The following TBCD variants were observed in gnomAD, a reference collection of about 807,000 sequenced individuals.
TBCD encodes the protein tubulin-specific chaperone D.
TBCD carries 105 observed loss-of-function variants against 169.3 expected under a neutral mutation model. The ratio of observed to expected loss-of-function variants is 0.62; its 90% CI spans 0.53 to 0.73. The LOEUF (loss-of-function observed/expected upper bound fraction) is 0.73. Ranked by LOEUF, TBCD falls within the 30% of genes least tolerant of loss-of-function variation. The pLI is 0.00. For missense variants in TBCD, 1,444 were observed against 1,600.1 expected, an observed-to-expected ratio of 0.90 and a Z score of 1.66; for synonymous variants, 700 against 643.9, an observed-to-expected ratio of 1.09 and a Z score of -1.32.
chr17:82,879,275 G>A (rs953162971), intron 14 of TBCD, among the ~76,000 whole-genome samples: 4 of 151,874 alleles, frequency 2.6e-5, no homozygotes, highest in African/African-American at 9.7e-5. Flanking sequence ...GTAGCTGAGT[G>A]TGTGCCCCTC....
At chr17:82,772,229 A>G (rs577691340) in intron 5 of TBCD, among the ~76,000 whole-genome samples, 30 of 152,296 alleles carry the variant, frequency 2.0e-4, no homozygotes, top group Non-Finnish European at 3.8e-4. Context: ...TGCTCTGTGT[A>G]GCTCAGGCAC....
rs996465752 is a variant in TBCD, at chr17:82,833,275, C to T, written c.1318+18341C>T. On this transcript the variant is annotated intron_variant, in intron 13 of 38. Coordinates refer to ENST00000355528, the MANE Select transcript of TBCD (RefSeq NM_005993.5). The surrounding 1 kb of genome is among the most constrained non-coding windows in gnomAD (Gnocchi z 4.7). ...CCCAAGTGCTGTGCGCCCCTGCCGTCGGCCTGTAGAACCCAAGACCATGGA... is the reference window on the plus strand; with the variant it reads ...CCCAAGTGCTGTGCGCCCCTGCCGTTGGCCTGTAGAACCCAAGACCATGGA... Among the ~76,000 whole-genome samples the T allele has an allele frequency of 2.0e-5, 3 of 152,232 alleles. No homozygotes were observed. The highest frequency in any genetic ancestry group is 6.8e-3 in the Middle Eastern group (2 of 294).
rs188622940 is a variant in TBCD at position 82,880,043 on chromosome 17, C to T, written c.1476-4102C>T. On this transcript the variant is annotated intron_variant, in intron 14 of 38. Transcript: ENST00000355528. This position sits in a 1 kb window ranked among gnomAD's most constrained non-coding sequence, Gnocchi z 5.0. ...TTGCCCGCATTCCTTTGCTCATGGG[C>T]TCTTCATCTACCTTCACAGCCAGCC... Among the ~76,000 whole-genome samples, 60 of 152,272 alleles carry T rather than the reference C, an allele frequency of 3.9e-4. 1 individual carries two copies. The highest frequency in any genetic ancestry group is 3.5e-3 in the Admixed American group (53 of 15,298).
chr17:82,821,508 A>C (rs1016324834), intron 13 of TBCD, among the ~76,000 whole-genome samples: 6 of 152,190 alleles, frequency 3.9e-5, no homozygotes, highest in Admixed American at 1.3e-4. Context: ...TGTGTGGCTA[A>C]AGCAGGTCTC....
intron 37 of TBCD, among the ~76,000 whole-genome samples, chr17:82,940,467 A>G (rs2063091301): frequency 6.6e-6 from 1 of 152,188 alleles, no homozygotes; most frequent in Non-Finnish European, 1.5e-5. Context: ...GAATCCAGCA[A>G]GGACGTAGGT....
rs201192044 is a variant in TBCD at position 82,766,283 on chromosome 17, C to G, written c.350C>G (p.Thr117Arg). 69 of 1,611,662 alleles carry G rather than the reference C, an allele frequency of 4.3e-5. No individual in the cohort carries two copies. Among genetic ancestry groups the G allele is most frequent in the Non-Finnish European group, 6.8e-6 (8 of 1,178,878 alleles). Reference protein sequence around the residue: ...YIITKVRGYKTFLRLFPHEVA... With the variant: ...YIITKVRGYKRFLRLFPHEVA... ...ATTTGATAGGTTCGAGGCTATAAAA[C>G]ATTTCTTCGTTTATTTCCTCATGAA... Residue 117 changes from threonine (T) to arginine (R), a missense_variant, in exon 4 of 39, where the codon ACA becomes AGA. Thr to Arg is a moderately conservative substitution (Grantham distance 71). Coordinates refer to ENST00000355528, the MANE Select transcript of TBCD (RefSeq NM_005993.5).
intron 12 of TBCD, among the ~76,000 whole-genome samples, chr17:82,813,164 C>G (rs956547643): frequency 2.6e-5 from 4 of 152,244 alleles, no homozygotes; most frequent in Non-Finnish European, 5.9e-5. Flanking sequence ...GCTTACTTGT[C>G]ACACTTTAAC....
intron 13 of TBCD, among the ~76,000 whole-genome samples, chr17:82,856,917 C>T (rs1259821329): frequency 2.1e-5 from 3 of 143,140 alleles, no homozygotes; most frequent in African/African-American, 2.8e-5. Flanking sequence ...GGACCGCGTG[C>T]GGACCCTCGG....
chr17:82,926,198 G>A (rs542119287), intron 27 of TBCD, among the ~76,000 whole-genome samples: 30 of 150,016 alleles, frequency 2.0e-4, no homozygotes, highest in Non-Finnish European at 3.0e-4. Flanking sequence ...ACTGGGGGCC[G>A]TGGAGAGGCT....
At chr17:82,865,240 G>C (rs1029051404) in intron 13 of TBCD, among the ~76,000 whole-genome samples, 3 of 152,094 alleles carry the variant, frequency 2.0e-5, no homozygotes, top group African/African-American at 7.2e-5. Flanking sequence ...GCTGAAGGGA[G>C]GGTCTGCAGG....
At chr17:82,778,999 G>A (rs1180251775) in intron 6 of TBCD, among the ~76,000 whole-genome samples, 3 of 129,514 alleles carry the variant, frequency 2.3e-5, no homozygotes, top group African/African-American at 9.8e-5. Context: ...CTAGAGATGG[G>A]GTTTATTTAT....
At chr17:82,927,589 A>G (rs115553934) in intron 29 of TBCD, among the ~76,000 whole-genome samples, 2,206 of 152,280 alleles carry the variant, frequency 0.014, 61 homozygotes, top group African/African-American at 0.051. Context: ...CGCGTCTTCA[A>G]TGAAAGGCTG....
rs1034841694 is a variant in TBCD at position 82,925,522 on chromosome 17, A to T, written c.2379+465A>T. ...CCTGTGGTGCTGGTCCCACTGACCAACCTGCCGGGAACTCCTGCTTGTCTC... is the reference window on the plus strand; with the variant it reads ...CCTGTGGTGCTGGTCCCACTGACCATCCTGCCGGGAACTCCTGCTTGTCTC... On this transcript the variant is annotated intron_variant, in intron 27 of 38. Transcript: ENST00000355528. 4.0e-5 allele frequency among the ~76,000 whole-genome samples: 6 copies of T among 151,894 alleles called. No individual in the cohort carries two copies. The East Asian group carries it at 1.2e-3, about 30-fold the overall frequency.
Position 82,876,091 on chromosome 17 carries a change from G to A in TBCD, c.1475+5711G>A, listed in dbSNP as rs1467460497. 3.3e-5 allele frequency among the ~76,000 whole-genome samples: 5 copies of A among 151,546 alleles called. No homozygotes were observed. In the East Asian group the frequency reaches 9.6e-4, roughly 29 times the overall value. On this transcript the variant is annotated intron_variant, in intron 14 of 38. Coordinates refer to ENST00000355528, the MANE Select transcript of TBCD (RefSeq NM_005993.5). The stretch of plus-strand genomic sequence containing the variant: ...AAAACAGTGTATTTGGCTTTTTATT[G>A]CTATAAAATATTATATAAATAAGAA...
intron 4 of TBCD, among the ~76,000 whole-genome samples, chr17:82,766,593 T>G (rs1486419970): frequency 6.6e-6 from 1 of 152,230 alleles, no homozygotes; most frequent in Non-Finnish European, 1.5e-5. Context: ...AAAAAAATTA[T>G]GCCTAGGTGT....
chr17:82,925,041 A>G lies in TBCD; in HGVS notation c.2363A>G (p.Lys788Arg). 6.4e-7 allele frequency: 1 copy of G among 1,558,606 alleles called. No individual in the cohort carries two copies. The highest frequency in any genetic ancestry group is 8.7e-7 in the Non-Finnish European group (1 of 1,150,940). Residue 788 changes from lysine to arginine, a missense_variant, in exon 27 of 39, where the codon AAA becomes AGA. Physicochemically the swap from Lys to Arg is conservative, Grantham distance 26. Coordinates refer to ENST00000355528, the MANE Select transcript of TBCD (RefSeq NM_005993.5). ...ALGALPGFLL[K>R]GRLQQVLTGL... is the part of the protein sequence containing the mutation. ...GGCGCCCTTCCAGGCTTCCTTCTGA[A>G]AGGCCGGCTCCAGCAGGTGAGGCTG...
intron 13 of TBCD, among the ~76,000 whole-genome samples, chr17:82,866,363 T>C (rs938021885): frequency 2.0e-5 from 3 of 152,238 alleles, no homozygotes; most frequent in Admixed American, 1.3e-4. Flanking sequence ...GGTTTTTCTG[T>C]TCTTGTTAAG....
rs115815157 is a variant in TBCD at position 82,767,964 on chromosome 17, A to G, written c.436-456A>G. Among the ~76,000 whole-genome samples, 1,074 of 151,798 alleles carry G rather than the reference A, an allele frequency of 7.1e-3. 14 individuals are homozygous for G. Among genetic ancestry groups the G allele is most frequent in the African/African-American group, 0.024 (977 of 41,400 alleles). ...GCGAGACTCCATCTCAAAAAAAAAAAAAGGAACTCCTGACCTCAGGTGATC... is the reference window on the plus strand; with the variant it reads ...GCGAGACTCCATCTCAAAAAAAAAAGAAGGAACTCCTGACCTCAGGTGATC... On this transcript the variant is annotated intron_variant, in intron 4 of 38. Coordinates refer to ENST00000355528, the MANE Select transcript of TBCD (RefSeq NM_005993.5).
chr17:82,936,627 A>G (rs1220104643), intron 34 of TBCD, among the ~76,000 whole-genome samples: 2 of 152,168 alleles, frequency 1.3e-5, no homozygotes, highest in African/African-American at 2.4e-5. Context: ...GGGTAGCAGC[A>G]GCCTGGGGTC....
Sources: allele counts gnomAD v4.1 joint callset (sites outside exome capture counted in the v4.1 genomes callset), GRCh38; gene constraint gnomAD v4.1.1; non-coding constraint Gnocchi (gnomAD v3.1); transcripts MANE v1.5; gene names NCBI Gene and HGNC (gene_info 2026-07-23, HGNC 2026-07-21).